AHCY: variants seen among roughly 807,000 people sequenced by gnomAD.
AHCY encodes the protein S-adenosyl-L-homocysteine hydrolase.
In AHCY, 24 loss-of-function variants were observed where a neutral mutation model predicts 45.4. That is an observed-to-expected ratio of 0.53 (90% CI 0.38 to 0.74). AHCY has a LOEUF of 0.74. Among genes scored for constraint, AHCY ranks in the 30% least tolerant of loss-of-function variants. The pLI is 0.00. For missense variants in AHCY, 449 were observed against 594.1 expected, an observed-to-expected ratio of 0.76 and a Z score of 2.54; for synonymous variants, 245 against 235.1, an observed-to-expected ratio of 1.04 and a Z score of -0.39.
intron 8 of AHCY, among the ~76,000 whole-genome samples, chr20:34,286,617 T>C (rs927728319): frequency 6.6e-6 from 1 of 152,028 alleles, no homozygotes; most frequent in Non-Finnish European, 1.5e-5. Flanking sequence ...GGGAATCACC[T>C]GAGGTCGGGA....
intron 1 of AHCY, among the ~76,000 whole-genome samples, chr20:34,311,176 A>G (rs1426451290): frequency 6.6e-6 from 1 of 152,238 alleles, no homozygotes; most frequent in Non-Finnish European, 1.5e-5. Flanking sequence ...ATAATGAAGG[A>G]CAAAAAGCAA....
chr20:34,249,245 C>A, the AHCY span, among the ~76,000 whole-genome samples: 4 of 152,046 alleles, frequency 2.6e-5, no homozygotes, highest in Non-Finnish European at 5.9e-5. Flanking sequence ...GGGCTGGGAC[C>A]AGAACCCAGG....
the AHCY span, chr20:34,262,986 A>G: frequency 4.1e-6 from 6 of 1,460,884 alleles, no homozygotes; most frequent in Admixed American, 1.9e-5. Flanking sequence ...GAACTAAATG[A>G]AAGATTTTTC....
Position 34,280,893 on chromosome 20 carries a change from C to A in AHCY, c.*141G>T. On this transcript the variant is annotated 3_prime_UTR_variant, in exon 10 of 10. Coordinates refer to ENST00000217426, the MANE Select transcript of AHCY (RefSeq NM_000687.4). Reference sequence around the variant, plus strand: ...ACAGTATGACGGCTGCAGCAGAGGCCAAAAACTAAGTGATCAGCCCCAGAG... The same window carrying A: ...ACAGTATGACGGCTGCAGCAGAGGCAAAAAACTAAGTGATCAGCCCCAGAG... The A allele has an allele frequency of 1.5e-6, 2 of 1,363,030 alleles. No homozygotes were observed. Among genetic ancestry groups the A allele is most frequent in the Non-Finnish European group, 2.0e-6 (2 of 990,138 alleles). The allele number at this position is 1,363,030 out of a possible 1,614,324, so 84.4% of individuals were successfully genotyped here. A position where few individuals can be genotyped will look rare whatever the true frequency, so the allele number is the denominator to read the frequency against.
At chr20:34,303,454 G>T, upstream of AHCY, 1 of 831,808 alleles carries the variant, frequency 1.2e-6, no homozygotes, top group Non-Finnish European at 1.9e-6. Flanking sequence ...AGCCGGAGGG[G>T]ATTTCGATCC....
At chr20:34,236,064 GAGAA>G in the AHCY span, among the ~76,000 whole-genome samples, 20 of 133,356 alleles carry the variant, frequency 1.5e-4, no homozygotes, top group South Asian at 2.5e-4. Flanking sequence ...GAAGGAGAGA[GAGAA>G]AGAAAGAGAA....
downstream of AHCY, among the ~76,000 whole-genome samples, chr20:34,276,270 G>C (rs2035909760): frequency 6.6e-6 from 1 of 152,140 alleles, no homozygotes; most frequent in African/African-American, 2.4e-5. Flanking sequence ...TCAGGACTGG[G>C]GATAAGCCCT....
intron 9 of AHCY, among the ~76,000 whole-genome samples, chr20:34,282,757 T>TC (rs2036044468): frequency 1.3e-5 from 2 of 152,090 alleles, no homozygotes; most frequent in African/African-American, 4.8e-5. Context: ...TAGAGCAGCT[T>TC]TGAAGAGATT....
At chr20:34,235,849 GAAGGAAGGAAGGAAGGA>G in the AHCY span, among the ~76,000 whole-genome samples, 117 of 44,502 alleles carry the variant, frequency 2.6e-3, no homozygotes, top group Middle Eastern at 0.01. Context: ...AAGAAGGAAG[GAAGGAAGGAAGGAAGGA>G]AAGGAAGGAA....
At chr20:34,309,696 G>A (rs979940512) in intron 1 of AHCY, among the ~76,000 whole-genome samples, 3 of 152,226 alleles carry the variant, frequency 2.0e-5, no homozygotes, top group South Asian at 2.1e-4. Context: ...CAGGAGAATC[G>A]CTTGAACCCA....
chr20:34,238,214 A>G, the AHCY span, among the ~76,000 whole-genome samples: 2 of 152,110 alleles, frequency 1.3e-5, no homozygotes, highest in Non-Finnish European at 2.9e-5. Flanking sequence ...GTCTTAATCA[A>G]TGTTTCTTCA....
rs866570791 is a variant in AHCY, at chr20:34,291,105, G to A, written c.559-167C>T. On this transcript the variant is annotated intron_variant, in intron 5 of 9. Coordinates refer to ENST00000217426, the MANE Select transcript of AHCY (RefSeq NM_000687.4). ...AATGCCCCCACAAGCCCTTCACCCC[G>A]ATCGGCTCAAAGAGCTTCTCTCTAA... Among the ~76,000 whole-genome samples the A allele has an allele frequency of 1.5e-4, 23 of 152,196 alleles. 1 individual carries two copies. The East Asian group carries it at 3.1e-3, about 21-fold the overall frequency.
chr20:34,311,601 A>T (rs1036844915), exon 1 of AHCY: 5 of 152,400 alleles, frequency 3.3e-5, no homozygotes, highest in Non-Finnish European at 5.9e-5. Context: ...TAGCTTCAGC[A>T]TCCCCGCTCG....
the AHCY span, chr20:34,262,938 C>T: frequency 6.2e-7 from 1 of 1,606,702 alleles, no homozygotes; most frequent in South Asian, 1.1e-5. Flanking sequence ...TGGGGTGAGA[C>T]TGGACTTAAA....
chr20:34,270,087 C>CA, the AHCY span, among the ~76,000 whole-genome samples: 1 of 149,306 alleles, frequency 6.7e-6, no homozygotes, highest in Non-Finnish European at 1.5e-5. Context: ...CCGGTCTGTA[C>CA]AAAAAGTTTT....
chr20:34,287,534 G>A (rs1009974703), intron 8 of AHCY, among the ~76,000 whole-genome samples: 3 of 151,870 alleles, frequency 2.0e-5, no homozygotes, highest in South Asian at 2.1e-4. Flanking sequence ...GGGACTATAC[G>A]CATGAGCCAC....
upstream of AHCY, among the ~76,000 whole-genome samples, chr20:34,306,521 C>A (rs2122847362): frequency 6.6e-6 from 1 of 152,074 alleles, no homozygotes; most frequent in South Asian, 2.1e-4. Flanking sequence ...GGCACACGCT[C>A]CCACACCCGG....
At chr20:34,296,242 G>C (rs1235411179) in intron 1 of AHCY, among the ~76,000 whole-genome samples, 1 of 152,118 alleles carries the variant, frequency 6.6e-6, no homozygotes, top group Non-Finnish European at 1.5e-5. Flanking sequence ...TTGCAAGCAA[G>C]CACTCACCTG....
At chr20:34,242,068 A>G in the AHCY span, among the ~76,000 whole-genome samples, 1 of 152,076 alleles carries the variant, frequency 6.6e-6, no homozygotes, top group African/African-American at 2.4e-5. Context: ...AATGTTTTCA[A>G]TTGTAGGTGA....
Sources: allele counts gnomAD v4.1 joint callset (sites outside exome capture counted in the v4.1 genomes callset), GRCh38; gene constraint gnomAD v4.1.1; transcripts MANE v1.5; gene names NCBI Gene and HGNC (gene_info 2026-07-23, HGNC 2026-07-21).